NOTCH4: variants seen among roughly 807,000 people sequenced by gnomAD.
NOTCH4 encodes the protein neurogenic locus notch homolog protein 4.
A neutral mutation model predicts 189.0 loss-of-function variants in NOTCH4; 138 were observed. The ratio of observed to expected loss-of-function variants is 0.73; its 90% CI spans 0.64 to 0.84. The LOEUF is 0.84. NOTCH4 is among the 40% of genes least tolerant of loss of function. The probability of loss-of-function intolerance (pLI) is 0.00; values close to 1 mark genes in which losing one functional copy is unlikely to be tolerated. For synonymous variants in NOTCH4, 942 were observed against 1,032.8 expected (o/e 0.91, Z 1.69); for missense variants, 2,286 against 2,605.4 (o/e 0.88, Z 2.67).
In NOTCH4 at chr6:32,196,946, C is replaced by T; in HGVS notation, c.5179G>A (p.Val1727Met). The change falls in exon 28 of 30, where the codon GTG (valine) becomes ATG (methionine). Residue 1727 changes from valine to methionine, a missense_variant. Val to Met is a conservative substitution (Grantham distance 21). Around this residue, in one of 2 missense-constraint regions of NOTCH4, gnomAD observed 1,903 missense variants for 2,261.9 expected, o/e 0.84. Coordinates refer to ENST00000375023, the MANE Select transcript of NOTCH4 (RefSeq NM_004557.4). ...ATACCCCATTTATCTCTGGCCCCCACGTCTGCTTGGGCTGCAATCAGTTCT... is the reference window on the plus strand; with the variant it reads ...ATACCCCATTTATCTCTGGCCCCCATGTCTGCTTGGGCTGCAATCAGTTCT... Reference protein sequence around the residue: ...VEELIAAQADVGARDKWGKTA... With the variant: ...VEELIAAQADMGARDKWGKTA... The T allele has an allele frequency of 1.2e-6, 2 of 1,613,008 alleles. No homozygotes were observed. Among genetic ancestry groups the T allele is most frequent in the Non-Finnish European group, 1.7e-6 (2 of 1,180,024 alleles).
chr6:32,195,330 A>T lies in NOTCH4; in HGVS notation c.*107T>A. 1 of 1,082,674 alleles carries T rather than the reference A, an allele frequency of 9.2e-7. No individual in the cohort carries two copies. The highest frequency in any genetic ancestry group is 1.3e-6 in the Non-Finnish European group (1 of 764,214). The allele number at this position is 1,082,674 out of a possible 1,614,324, so 67.1% of individuals were successfully genotyped here. On this transcript the variant is annotated 3_prime_UTR_variant, in exon 30 of 30. Coordinates refer to ENST00000375023, the MANE Select transcript of NOTCH4 (RefSeq NM_004557.4). The surrounding 1 kb of genome is among the most constrained non-coding windows in gnomAD (Gnocchi z 5.4). ...ACATTCATTTTAGGAGAGAAACTAA[A>T]CTCACAACCCTTCATTTTGGGGGAT...
intron 8 of NOTCH4, among the ~76,000 whole-genome samples, chr6:32,218,338 C>T (rs117558297): frequency 1.3e-5 from 2 of 152,122 alleles, no homozygotes; most frequent in East Asian, 1.9e-4. Flanking sequence ...TGGGGACCTG[C>T]GGGAGGACTA....
intron 18 of NOTCH4, among the ~76,000 whole-genome samples, chr6:32,205,853 C>T (rs1344535963): frequency 6.6e-6 from 1 of 151,826 alleles, no homozygotes; most frequent in Non-Finnish European, 1.5e-5. Context: ...CATGGTGAAA[C>T]CCCATCTCTA....
chr6:32,220,467 G>A lies in NOTCH4; in HGVS notation c.1097C>T (p.Pro366Leu), dbSNP rs996553122. 2.5e-5 allele frequency: 40 copies of A among 1,613,740 alleles called. No individual in the cohort carries two copies. The highest frequency in any genetic ancestry group is 4.5e-5 in the East Asian group (2 of 44,884). The stretch of plus-strand genomic sequence containing the variant: ...CACCCGGTCAATGCAGGTGGATCCC[G>A]GGGCACAGGTGGCAGCAATACAGTC... ...LDDCIAATCAPGSTCIDRVGS... is the reference protein window; with the variant it reads ...LDDCIAATCALGSTCIDRVGS... The change falls in exon 6 of 30, where the codon CCG (proline) becomes CTG (leucine). Residue 366 changes from proline (P) to leucine (L), a missense_variant. Pro to Leu is a moderately conservative substitution (Grantham distance 98). This residue lies in a region of NOTCH4 where 1,903 missense variants were observed against 2,261.9 expected (regional missense o/e 0.84). Coordinates refer to ENST00000375023, the MANE Select transcript of NOTCH4 (RefSeq NM_004557.4).
chr6:32,200,722 A>G lies in NOTCH4; in HGVS notation c.4315+109T>C. On this transcript the variant is annotated intron_variant, in intron 23 of 29. Coordinates refer to ENST00000375023, the MANE Select transcript of NOTCH4 (RefSeq NM_004557.4). The surrounding 1 kb of genome is among the most constrained non-coding windows in gnomAD (Gnocchi z 5.0). ...TTAGGGAAAGTAAGTCCCCACAAAG[A>G]ACATTTTCAGTCTCAGCTGTCCTGT... 1 of 931,452 alleles carries G rather than the reference A, an allele frequency of 1.1e-6. No homozygotes were observed. Among genetic ancestry groups the G allele is most frequent in the Non-Finnish European group, 1.6e-6 (1 of 643,002 alleles). The allele number at this position is 931,452 out of a possible 1,614,324, so 57.7% of individuals were successfully genotyped here.
At chr6:32,214,484 T>TATATATATATATATATACAC (rs28383875) in intron 12 of NOTCH4, among the ~76,000 whole-genome samples, 7 of 141,176 alleles carry the variant, frequency 5.0e-5, no homozygotes, top group African/African-American at 1.9e-4. Context: ...TATATATATA[T>TATATATATATATATATACAC]ACACACATAT....
rs1787795586 is a variant in NOTCH4 at position 32,195,366 on chromosome 6, AC to A, written c.*70del. 6.9e-7 allele frequency: 1 copy of A among 1,446,506 alleles called. No homozygotes were observed. The highest frequency in any genetic ancestry group is 9.3e-7 in the Non-Finnish European group (1 of 1,077,390). The allele number at this position is 1,446,506 out of a possible 1,614,324, so 89.6% of individuals were successfully genotyped here. A position where few individuals can be genotyped will look rare whatever the true frequency, so the allele number is the denominator to read the frequency against. Reference sequence around the variant, plus strand: ...TTCATTTTGGGGGATCCATCTTAAAACCAGGAAGGCCTTCCAGCCTGCCTTT... The same window carrying A: ...TTCATTTTGGGGGATCCATCTTAAAACAGGAAGGCCTTCCAGCCTGCCTTT... On this transcript the variant is annotated 3_prime_UTR_variant, in exon 30 of 30. Transcript: ENST00000375023. This position sits in a 1 kb window ranked among gnomAD's most constrained non-coding sequence, Gnocchi z 5.4.
Position 32,199,269 on chromosome 6 carries a change from T to A in NOTCH4, c.4316-124A>T, listed in dbSNP as rs1414933144. 1 of 700,376 alleles carries A rather than the reference T, an allele frequency of 1.4e-6. No individual in the cohort carries two copies. The highest frequency in any genetic ancestry group is 1.8e-5 in the African/African-American group (1 of 54,352). 43.4% of individuals were successfully genotyped at this position (700,376 alleles called of 1,614,324 possible). A position where few individuals can be genotyped will look rare whatever the true frequency, so the allele number is the denominator to read the frequency against. ...GGTTTCCTTATCTGCAAAATGGGGA[T>A]GATAATATAGATTGAGGTTGGGCAC... On this transcript the variant is annotated intron_variant, in intron 23 of 29. Coordinates refer to ENST00000375023, the MANE Select transcript of NOTCH4 (RefSeq NM_004557.4). This position sits in a 1 kb window ranked among gnomAD's most constrained non-coding sequence, Gnocchi z 4.9.
chr6:32,205,094 C>T (rs1165013656), intron 18 of NOTCH4, among the ~76,000 whole-genome samples: 3 of 152,266 alleles, frequency 2.0e-5, no homozygotes, highest in Admixed American at 6.5e-5. Flanking sequence ...ATCTGTACCA[C>T]GTGCTGGCTT....
chr6:32,218,157 G>A, intron 8 of NOTCH4, 49 bp from the exon 9 acceptor site: 1 of 1,234,060 alleles, frequency 8.1e-7, no homozygotes, highest in South Asian at 1.3e-5. Context: ...GGTCTGCCTG[G>A]GAGACCTGTG....
intron 13 of NOTCH4, 41 bp downstream of exon 13, chr6:32,214,069 G>A (rs1438357499): frequency 1.3e-6 from 2 of 1,578,570 alleles, no homozygotes; most frequent in South Asian, 2.3e-5. Context: ...GACATAGGGG[G>A]TGACCAGCAC....
At position 32,204,290 on chromosome 6, in the gene NOTCH4, C is replaced by T. The variant is rs757217629; in HGVS notation, c.2965G>A (p.Gly989Arg). 1.5e-5 allele frequency: 24 copies of T among 1,613,086 alleles called. No individual in the cohort carries two copies. Among genetic ancestry groups the T allele is most frequent in the Non-Finnish European group, 1.9e-5 (22 of 1,180,024 alleles). Residue 989 changes from glycine (G) to arginine (R), a missense_variant, in exon 19 of 30, where the codon GGA becomes AGA. Gly to Arg is a moderately radical substitution (Grantham distance 125). Coordinates refer to ENST00000375023, the MANE Select transcript of NOTCH4 (RefSeq NM_004557.4). ...CCTGGAGGGCAGGCACAGTGGAATC[C>T]TCCAGGTTTGGGAGTACAGGTTCCA... ...NHGTCTPKPG[G>R]FHCACPPGFV... is the part of the protein sequence containing the mutation.
Position 32,217,163 on chromosome 6 carries a change from C to G in NOTCH4, c.1728G>C (p.Lys576Asn). ...TGTGCCCCAGTTTACCTGGGAGACA[C>G]TTGCAGTGGAAGGCTCCAGGCTGGT... ...CQDQPGAFHC[K>N]CLPGFEGPRC... The change falls in exon 10 of 30, where the codon AAG becomes AAC. Residue 576 changes from lysine to asparagine, a missense_variant. Coordinates refer to ENST00000375023, the MANE Select transcript of NOTCH4 (RefSeq NM_004557.4). This position sits in a 1 kb window ranked among gnomAD's most constrained non-coding sequence, Gnocchi z 4.2. 6.2e-7 allele frequency: 1 copy of G among 1,613,036 alleles called. No homozygotes were observed. Among genetic ancestry groups the G allele is most frequent in the Non-Finnish European group, 8.5e-7 (1 of 1,179,976 alleles).
chr6:32,208,298 A>T (rs1480013577), intron 18 of NOTCH4, among the ~76,000 whole-genome samples: 1 of 152,236 alleles, frequency 6.6e-6, no homozygotes, highest in African/African-American at 2.4e-5. Flanking sequence ...AATGTGGTTT[A>T]AAAAATGAGC....
Position 32,219,590 on chromosome 6 carries a change from A to C in NOTCH4, c.1510+2T>G. ...CCACCCAAGGCCCCATCCAGCTGAT[A>C]CCTGGCGGGCAGAGGCAGTGGAAGG... On this transcript the variant is annotated splice_donor_variant, in intron 8 of 29. Transcript: ENST00000375023. LOFTEE classifies it high-confidence loss of function. 1 of 1,612,240 alleles carries C rather than the reference A, an allele frequency of 6.2e-7. No homozygotes were observed. The highest frequency in any genetic ancestry group is 8.5e-7 in the Non-Finnish European group (1 of 1,179,656).
Position 32,197,430 on chromosome 6 carries a change from C to T in NOTCH4, c.4921G>A (p.Ala1641Thr), listed in dbSNP as rs1219574525. ...VGTGETPLHL[A>T]ARFSRPTAAR... ...GCGGTTGGCCGGGAGAATCGGGCAGCCAGGTGCAGGGGGGTCTCCCCAGTG... is the reference window on the plus strand; with the variant it reads ...GCGGTTGGCCGGGAGAATCGGGCAGTCAGGTGCAGGGGGGTCTCCCCAGTG... The change falls in exon 27 of 30, where the codon GCT becomes ACT. Residue 1641 changes from alanine (A) to threonine (T), a missense_variant. This residue lies in a region of NOTCH4 where 1,903 missense variants were observed against 2,261.9 expected (regional missense o/e 0.84). Coordinates refer to ENST00000375023, the MANE Select transcript of NOTCH4 (RefSeq NM_004557.4). 1.3e-6 allele frequency: 2 copies of T among 1,550,150 alleles called. No homozygotes were observed. Among genetic ancestry groups the T allele is most frequent in the Admixed American group, 2.0e-5 (1 of 49,274 alleles).
intron 17 of NOTCH4, among the ~76,000 whole-genome samples, chr6:32,211,806 C>T (rs1291081021): frequency 1.3e-5 from 2 of 152,042 alleles, no homozygotes; most frequent in Non-Finnish European, 2.9e-5. Flanking sequence ...TTACCTCTCT[C>T]CTCACCCTTT....
intron 11 of NOTCH4, among the ~76,000 whole-genome samples, chr6:32,215,670 A>G (rs1789355357): frequency 6.6e-6 from 1 of 152,146 alleles, no homozygotes; most frequent in Non-Finnish European, 1.5e-5. Flanking sequence ...AGTTCCTTAA[A>G]TGGGGTGGGC....
chr6:32,210,794 G>A lies in NOTCH4; in HGVS notation c.2823C>T (p.Asn941=), dbSNP rs142925705. 503 of 1,612,908 alleles carry A rather than the reference G, an allele frequency of 3.1e-4. No individual in the cohort carries two copies. Among genetic ancestry groups the A allele is most frequent in the Non-Finnish European group, 4.1e-4 (488 of 1,180,038 alleles). ...TGGGCTGGGCCATGCAGGTGGCCCC[G>A]TTCTGGCAAGGCCTGGACTCACATG... ...VNPCESRPCQ[N]GATCMAQPSG... Residue 941 remains asparagine, a synonymous_variant, in exon 18 of 30, where the codon AAC becomes AAT. Transcript: ENST00000375023. This position sits in a 1 kb window ranked among gnomAD's most constrained non-coding sequence, Gnocchi z 4.8.
Sources: allele counts gnomAD v4.1 joint callset (sites outside exome capture counted in the v4.1 genomes callset), GRCh38; gene constraint gnomAD v4.1.1; regional missense constraint gnomAD v4.1.1; non-coding constraint Gnocchi (gnomAD v3.1); transcripts MANE v1.5; gene names NCBI Gene and HGNC (gene_info 2026-07-23, HGNC 2026-07-21).